Variants in ATIC observed in about 807,000 individuals in gnomAD.
ATIC encodes the protein 5-aminoimidazole-4-carboxamide ribonucleotide formyltransferase/IMP cyclohydrolase.
A neutral mutation model predicts 72.5 loss-of-function variants in ATIC; 64 were observed. That is an observed-to-expected ratio of 0.88 (90% confidence interval 0.72 to 1.09). The LOEUF (loss-of-function observed/expected upper bound fraction) is 1.09, where lower values mean the gene tolerates loss of function less well. Among genes scored for constraint, ATIC ranks in the 50% least tolerant of loss-of-function variants. The probability of loss-of-function intolerance (pLI) is 0.00; values close to 1 mark genes in which losing one functional copy is unlikely to be tolerated. For missense variants in ATIC, 787 were observed against 732.4 expected, an observed-to-expected ratio of 1.07 and a Z score of -0.86; for synonymous variants, 281 against 267.1, an observed-to-expected ratio of 1.05 and a Z score of -0.51.
rs374662430 is a variant in ATIC at position 215,346,796 on chromosome 2, A to G, written c.1358A>G (p.His453Arg). The change falls in exon 14 of 16, where the codon CAC becomes CGC. Residue 453 changes from histidine to arginine, a missense_variant. Transcript: ENST00000236959. ...GIGAGQQSRI[H>R]CTRLAGDKAN... is the part of the protein sequence containing the mutation. ...GGAGCAGGACAGCAGTCTCGTATAC[A>G]CTGCACTCGCCTTGCAGGAGATAAG... 2.7e-5 allele frequency: 44 copies of G among 1,614,078 alleles called. No individual in the cohort carries two copies. The highest frequency in any genetic ancestry group is 3.5e-5 in the Non-Finnish European group (41 of 1,180,044).
At chr2:215,365,402 G>A in the ATIC span, 6 of 1,275,630 alleles carry the variant, frequency 4.7e-6, no homozygotes, top group East Asian at 1.4e-4. Flanking sequence ...CACTCCTCAA[G>A]GAGACCTAAA....
rs1019801127 is a variant in ATIC at position 215,325,277 on chromosome 2, A to G, written c.327A>G (p.Thr109=). The part of the protein sequence containing the change: ...VACNLYPFVK[T]VASPGVTVEE... ...GCAATCTCTATCCCTTTGTAAAGAC[A>G]GTGGCTTCTCCAGGTGTAACTGTTG... Residue 109 remains threonine, a synonymous_variant, in exon 5 of 16, where the codon ACA becomes ACG. Coordinates refer to ENST00000236959, the MANE Select transcript of ATIC (RefSeq NM_004044.7). The G allele has an allele frequency of 1.9e-6, 3 of 1,613,870 alleles. No individual in the cohort carries two copies. Among genetic ancestry groups the G allele is most frequent in the Middle Eastern group, 1.6e-4 (1 of 6,082 alleles).
At chr2:215,348,617 A>G (rs199807297) in intron 14 of ATIC, 10 of 411,662 alleles carry the variant, frequency 2.4e-5, no homozygotes, top group Non-Finnish European at 4.3e-5. Context: ...AAAAGCATCA[A>G]AGAGATTCTA....
At chr2:215,363,352 A>G in the ATIC span, 28 of 151,824 alleles carry the variant, frequency 1.8e-4, no homozygotes, top group Admixed American at 6.6e-4. Context: ...AGGTCATACA[A>G]TCACAGTCGT....
chr2:215,328,059 A>G (rs1272540854), intron 7 of ATIC, among the ~76,000 whole-genome samples: 1 of 151,808 alleles, frequency 6.6e-6, no homozygotes, highest in African/African-American at 2.4e-5. Context: ...TTTTTAGTAG[A>G]GATGGGGTTT....
chr2:215,330,886 T>C (rs115404326), intron 7 of ATIC, among the ~76,000 whole-genome samples: 302 of 152,248 alleles, frequency 2.0e-3, no homozygotes, highest in African/African-American at 7.1e-3. Flanking sequence ...GTCAGATAGT[T>C]GGGATCATAC....
chr2:215,349,830 A>G (rs1370119477), downstream of ATIC: 4 of 1,160,428 alleles, frequency 3.4e-6, no homozygotes, highest in Non-Finnish European at 3.7e-6. Context: ...CACATGACAC[A>G]TAACACATAA....
At chr2:215,335,647 T>G (rs2052945905) in intron 10 of ATIC, among the ~76,000 whole-genome samples, 1 of 152,214 alleles carries the variant, frequency 6.6e-6, no homozygotes, top group African/African-American at 2.4e-5. Flanking sequence ...TAATCTGGTC[T>G]TGCTGTTAAG....
At chr2:215,347,311 G>T (rs1019045497) in intron 14 of ATIC, 1 of 377,988 alleles carries the variant, frequency 2.6e-6, no homozygotes, top group East Asian at 5.8e-5. Context: ...CGATGGGTCT[G>T]TATTCAACAT....
the ATIC span, among the ~76,000 whole-genome samples, chr2:215,364,214 A>G: frequency 6.6e-6 from 1 of 152,206 alleles, no homozygotes; most frequent in Non-Finnish European, 1.5e-5. Context: ...TTTTTCCTAT[A>G]CTACTTAGCA....
intron 7 of ATIC, among the ~76,000 whole-genome samples, chr2:215,328,857 A>T (rs2052859495): frequency 6.6e-6 from 1 of 151,940 alleles, no homozygotes; most frequent in Admixed American, 6.6e-5. Flanking sequence ...AGCTGGGACT[A>T]CAGGCGCCTG....
chr2:215,333,831 A>G (rs2052923132), intron 9 of ATIC, among the ~76,000 whole-genome samples: 1 of 152,020 alleles, frequency 6.6e-6, no homozygotes, highest in African/African-American at 2.4e-5. Context: ...TCACGAGGTC[A>G]GGAGATCGAG....
chr2:215,345,886 G>C (rs2053066022), intron 13 of ATIC, among the ~76,000 whole-genome samples: 1 of 152,170 alleles, frequency 6.6e-6, no homozygotes, highest in Admixed American at 6.5e-5. Flanking sequence ...TGGACTGTTG[G>C]GCAGACAGCT....
the ATIC span, chr2:215,361,452 TA>T: frequency 5.7e-6 from 5 of 881,904 alleles, no homozygotes; most frequent in South Asian, 6.6e-5. Flanking sequence ...GCAAAGGGCT[TA>T]AGAAAGAAAG....
At chr2:215,318,282 A>G in intron 3 of ATIC, 49 bp downstream of exon 3, 1 of 1,524,722 alleles carries the variant, frequency 6.6e-7, no homozygotes. Context: ...GTTTCCAGGA[A>G]TATTTTAGTT....
intron 12 of ATIC, among the ~76,000 whole-genome samples, chr2:215,343,955 T>G (rs549868010): frequency 6.6e-6 from 1 of 152,334 alleles, no homozygotes; most frequent in Admixed American, 6.5e-5. Flanking sequence ...TGGTAATTCC[T>G]AATGGTTTTT....
rs1401470628 is a variant in ATIC, at chr2:215,326,934, C to T, written c.644C>T (p.Thr215Ile). 1 of 1,614,160 alleles carries T rather than the reference C, an allele frequency of 6.2e-7. No individual in the cohort carries two copies. The highest frequency in any genetic ancestry group is 8.5e-7 in the Non-Finnish European group (1 of 1,180,038). Residue 215 changes from threonine (T) to isoleucine (I), a missense_variant, in exon 7 of 16, where the codon ACC becomes ATC. By Grantham distance (89) the Thr-to-Ile change is moderately conservative. Transcript: ENST00000236959. The part of the protein sequence containing the change: ...PLRYGMNPHQ[T>I]PAQLYTLQPK... ...AGATATGGAATGAACCCACATCAGA[C>T]CCCTGCCCAGCTGTACACACTGCAG... is the stretch of plus-strand genomic sequence containing the variant.
chr2:215,361,420 A>G, the ATIC span: 1 of 778,492 alleles, frequency 1.3e-6, no homozygotes, highest in Non-Finnish European at 2.4e-6. Flanking sequence ...AGTTGAGCTG[A>G]AGCTGGAGAA....
the ATIC span, among the ~76,000 whole-genome samples, chr2:215,358,294 C>A: frequency 6.6e-6 from 1 of 151,962 alleles, no homozygotes; most frequent in East Asian, 1.9e-4. Flanking sequence ...GTCTGATTAA[C>A]ATTTACTAGT....
Sources: allele counts gnomAD v4.1 joint callset (sites outside exome capture counted in the v4.1 genomes callset), GRCh38; gene constraint gnomAD v4.1.1; transcripts MANE v1.5; gene names NCBI Gene and HGNC (gene_info 2026-07-23, HGNC 2026-07-21).